The following RC3H2 variants were observed in gnomAD, a reference collection of about 807,000 sequenced individuals.
The protein encoded by RC3H2 is roquin-2.
Under a neutral mutation model 133.3 loss-of-function variants are expected in RC3H2, and 31 were observed. The ratio of observed to expected loss-of-function variants is 0.23; its 90% CI spans 0.17 to 0.31. The LOEUF is 0.31. Among genes scored for constraint, RC3H2 ranks in the 10% least tolerant of loss-of-function variants. The pLI is 1.00. For missense variants in RC3H2, 1,175 were observed against 1,437.2 expected, an observed-to-expected ratio of 0.82 and a Z score of 2.95; for synonymous variants, 517 against 502.2, an observed-to-expected ratio of 1.03 and a Z score of -0.40.
Position 122,851,185 on chromosome 9 carries a change from C to T in RC3H2, c.3276G>A (p.Gln1092=). 7.4e-6 allele frequency: 12 copies of T among 1,614,130 alleles called. No homozygotes were observed. The highest frequency in any genetic ancestry group is 1.0e-5 in the Non-Finnish European group (12 of 1,179,972). ...TTTCCACTGCCATTCCATTTAGCAA[C>T]TGATCATTTTGAGAACTGATACCAA... The part of the protein sequence containing the change: ...IQLGISSQND[Q]LLNGMAVENG... Residue 1092 remains glutamine (Q), a synonymous_variant, in exon 20 of 21, where the codon CAG becomes CAA. Coordinates refer to ENST00000357244, the MANE Select transcript of RC3H2 (RefSeq NM_001100588.3).
At chr9:122,903,109 TTAAATTA>T (rs3049187) in intron 1 of RC3H2, among the ~76,000 whole-genome samples, 34,916 of 151,842 alleles carry the variant, frequency 0.23, 5,224 homozygotes, top group Non-Finnish European at 0.35. Context: ...TCTAGAATAT[TTAAATTA>T]TAAAGTAATA....
In RC3H2 at chr9:122,880,675, G is replaced by A; in HGVS notation, c.879C>T (p.Leu293=). Residue 293 remains leucine, a synonymous_variant, in exon 6 of 21, where the codon CTC becomes CTT. Coordinates refer to ENST00000357244, the MANE Select transcript of RC3H2 (RefSeq NM_001100588.3). Reference sequence around the variant, plus strand: ...AGGACCACTGTTCAGGTGAAATACGGAGTCCTGCTTCCATGGCAATATGAA... The same window carrying A: ...AGGACCACTGTTCAGGTGAAATACGAAGTCCTGCTTCCATGGCAATATGAA... The part of the protein sequence containing the change: ...QIVHIAMEAG[L]RISPEQWSSL... 6.2e-7 allele frequency: 1 copy of A among 1,614,122 alleles called. No individual in the cohort carries two copies. The highest frequency in any genetic ancestry group is 8.5e-7 in the Non-Finnish European group (1 of 1,179,990).
rs773071049 is a variant in RC3H2 at position 122,890,444 on chromosome 9, C to T, written c.451G>A (p.Ala151Thr). 6.2e-7 allele frequency: 1 copy of T among 1,614,214 alleles called. No individual in the cohort carries two copies. Among genetic ancestry groups the T allele is most frequent in the Non-Finnish European group, 8.5e-7 (1 of 1,180,034 alleles). Reference sequence around the variant, plus strand: ...CCAAGGGAACGAGCTGCTCGCATGGCTCTTACACGACCTTCTTCCTCCACC... The same window carrying T: ...CCAAGGGAACGAGCTGCTCGCATGGTTCTTACACGACCTTCTTCCTCCACC... Reference protein sequence around the residue: ...QLVEEEGRVRAMRAARSLGER... With the variant: ...QLVEEEGRVRTMRAARSLGER... The change falls in exon 4 of 21, where the codon GCC becomes ACC. Residue 151 changes from alanine (A) to threonine (T), a missense_variant. Physicochemically the swap from Ala to Thr is moderately conservative, Grantham distance 58 (BLOSUM62 0). Transcript: ENST00000357244.
chr9:122,886,105 G>A (rs1831900418), intron 4 of RC3H2, among the ~76,000 whole-genome samples: 1 of 152,006 alleles, frequency 6.6e-6, no homozygotes, highest in Non-Finnish European at 1.5e-5. Context: ...GGTCAGGCTG[G>A]TCTCAAACTC....
At chr9:122,860,190 T>A (rs568608358) in intron 10 of RC3H2, 59 bp from the exon 11 acceptor site, 2 of 1,249,514 alleles carry the variant, frequency 1.6e-6, no homozygotes, top group East Asian at 2.3e-5. Context: ...CTGTCCTCCT[T>A]ACTAGAAATT....
At chr9:122,885,084 T>G (rs1006455261) in intron 4 of RC3H2, among the ~76,000 whole-genome samples, 6 of 152,262 alleles carry the variant, frequency 3.9e-5, no homozygotes, top group Admixed American at 3.9e-4. Context: ...AACTACAAAT[T>G]GTATATAGTA....
intron 9 of RC3H2, among the ~76,000 whole-genome samples, chr9:122,870,611 TCTCA>T (rs1831045459): frequency 6.6e-6 from 1 of 152,204 alleles, no homozygotes; most frequent in Non-Finnish European, 1.5e-5. Context: ...AGGGACAGGA[TCTCA>T]CTATGTTGCC....
chr9:122,898,479 G>A (rs1832514638), intron 1 of RC3H2, among the ~76,000 whole-genome samples: 1 of 152,144 alleles, frequency 6.6e-6, no homozygotes, highest in African/African-American at 2.4e-5. Flanking sequence ...GCTGGGCGTG[G>A]TGGCTCACAC....
At position 122,848,965 on chromosome 9, in the gene RC3H2, C is replaced by T. The variant is rs1028667805; in HGVS notation, c.*662G>A. ...ATAAATATTAACAAAGCAGAAACTA[C>T]TCTTGAAAAATGGAAAATTAAAAAA... On this transcript the variant is annotated 3_prime_UTR_variant, in exon 21 of 21. Transcript: ENST00000357244. 1 of 151,832 alleles carries T rather than the reference C, an allele frequency of 6.6e-6. No homozygotes were observed. The highest frequency in any genetic ancestry group is 2.4e-5 in the African/African-American group (1 of 41,302). 9.4% of individuals were successfully genotyped at this position (151,832 alleles called of 1,614,324 possible). A position where few individuals can be genotyped will look rare whatever the true frequency, so the allele number is the denominator to read the frequency against.
At chr9:122,903,897 G>GTTTTTTCTTTTTCTTTTTTTC in intron 1 of RC3H2, among the ~76,000 whole-genome samples, 1 of 152,308 alleles carries the variant, frequency 6.6e-6, no homozygotes, top group East Asian at 1.9e-4. Flanking sequence ...CAGCTAAAAG[G>GTTTTTTCTTTTTCTTTTTTTC]TTTTTTAAAA....
intron 12 of RC3H2, 50 bp from the exon 13 acceptor site, chr9:122,858,143 A>AAATT (rs777193919): frequency 6.5e-7 from 1 of 1,530,426 alleles, no homozygotes; most frequent in Non-Finnish European, 9.0e-7. Context: ...AGTGGTGAAT[A>AAATT]AATTTAACTG....
chr9:122,874,404 A>G (rs1187920673), intron 9 of RC3H2: 1 of 152,192 alleles, frequency 6.6e-6, no homozygotes, highest in Non-Finnish European at 1.5e-5. Context: ...AAGCCACTGA[A>G]GCAGTAAAAC....
rs1281608915 is a variant in RC3H2, at chr9:122,881,003, TG to T, written c.760-210del. Among the ~76,000 whole-genome samples the T allele has an allele frequency of 7.2e-5, 11 of 152,272 alleles. No homozygotes were observed. The South Asian group carries it at 2.1e-3, about 29-fold the overall frequency. On this transcript the variant is annotated intron_variant, in intron 5 of 20. Coordinates refer to ENST00000357244, the MANE Select transcript of RC3H2 (RefSeq NM_001100588.3). ...CTAAATACATAATCCTTGCCTTCAA[TG>T]ATTTCAGCCACTAGTAAGAAAGAGA...
intron 9 of RC3H2, among the ~76,000 whole-genome samples, chr9:122,866,674 C>T (rs1332990652): frequency 6.6e-6 from 1 of 152,092 alleles, no homozygotes; most frequent in Non-Finnish European, 1.5e-5. Context: ...CCGGAGGTGC[C>T]GGGATTGCAG....
intron 3 of RC3H2, 56 bp from the exon 4 acceptor site, chr9:122,890,601 C>A: frequency 1.5e-6 from 2 of 1,366,356 alleles, no homozygotes; most frequent in South Asian, 2.7e-5. Context: ...AAATAAAAGT[C>A]AATTTTCATT....
chr9:122,879,896 TG>T, intron 7 of RC3H2, 23 bp from the exon 8 acceptor site: 1 of 1,610,346 alleles, frequency 6.2e-7, no homozygotes, highest in Non-Finnish European at 8.5e-7. Flanking sequence ...ACCAAGGGCA[TG>T]GGGGTTGGGG....
chr9:122,886,760 T>A (rs1831931912), intron 4 of RC3H2, among the ~76,000 whole-genome samples: 1 of 152,236 alleles, frequency 6.6e-6, no homozygotes, highest in Non-Finnish European at 1.5e-5. Flanking sequence ...GATTTGCATC[T>A]CCCTAATAAC....
chr9:122,855,800 C>T lies in RC3H2; in HGVS notation c.2533G>A (p.Gly845Ser), dbSNP rs534268046. Residue 845 changes from glycine (G) to serine (S), a missense_variant, in exon 14 of 21, where the codon GGC (glycine) becomes AGC (serine). Around this residue, in one of 8 missense-constraint regions of RC3H2, gnomAD observed 138 missense variants for 215.0 expected, o/e 0.64. Coordinates refer to ENST00000357244, the MANE Select transcript of RC3H2 (RefSeq NM_001100588.3). ...HYSPWSCGTI[G>S]SCINAIDSEP... ...GAATCAATGGCATTTATACAGGAGC[C>T]TATGGTGCCACAAGACCAGGGAGAA... 3.1e-6 allele frequency: 5 copies of T among 1,613,560 alleles called. No homozygotes were observed. The Admixed American group carries it at 6.7e-5, about 22-fold the overall frequency.
Position 122,892,984 on chromosome 9 carries a change from T to C in RC3H2, c.274A>G (p.Asn92Asp). Reference sequence around the variant, plus strand: ...TTCTTTGCAACCTCATAGTGTTTATTCTCACCTAGATTACTTAACTTAATT... The same window carrying C: ...TTCTTTGCAACCTCATAGTGTTTATCCTCACCTAGATTACTTAACTTAATT... Reference protein sequence around the residue: ...QSIKLSNLGENKHYEVAKKCV... With the variant: ...QSIKLSNLGEDKHYEVAKKCV... The change falls in exon 3 of 21, where the codon AAT becomes GAT. Residue 92 changes from asparagine to aspartate, a missense_variant. Asn to Asp is a conservative substitution (Grantham distance 23). Coordinates refer to ENST00000357244, the MANE Select transcript of RC3H2 (RefSeq NM_001100588.3). 6.2e-7 allele frequency: 1 copy of C among 1,612,630 alleles called. No individual in the cohort carries two copies. Among genetic ancestry groups the C allele is most frequent in the Non-Finnish European group, 8.5e-7 (1 of 1,179,906 alleles).
Sources: allele counts gnomAD v4.1 joint callset (sites outside exome capture counted in the v4.1 genomes callset), GRCh38; gene constraint gnomAD v4.1.1; regional missense constraint gnomAD v4.1.1; transcripts MANE v1.5; gene names NCBI Gene and HGNC (gene_info 2026-07-23, HGNC 2026-07-21).